The following STIM1 variants were observed in gnomAD, a reference collection of about 807,000 sequenced individuals.
The protein encoded by STIM1 is stromal interaction molecule 1.
A neutral mutation model predicts 74.7 loss-of-function variants in STIM1; 25 were observed. That is an observed-to-expected ratio of 0.33 (90% confidence interval 0.24 to 0.47). The LOEUF is 0.47. Among genes scored for constraint, STIM1 ranks in the 20% least tolerant of loss-of-function variants. The pLI, the probability that STIM1 is intolerant of heterozygous loss-of-function variation, is 1.00. For synonymous variants in STIM1, 328 were observed against 348.8 expected (o/e 0.94, Z 0.66); for missense variants, 728 against 920.8 (o/e 0.79, Z 2.71).
At chr11:4,072,059 CAT>C (rs1481150958) in intron 6 of STIM1, among the ~76,000 whole-genome samples, 4 of 152,182 alleles carry the variant, frequency 2.6e-5, no homozygotes, top group African/African-American at 9.7e-5. Flanking sequence ...GTTTGAAAAA[CAT>C]GTACTGTTTC....
chr11:3,965,067 T>G (rs562785059), intron 1 of STIM1, among the ~76,000 whole-genome samples: 1 of 152,340 alleles, frequency 6.6e-6, no homozygotes, highest in South Asian at 2.1e-4. Flanking sequence ...GATTTAGGTA[T>G]GCTACCTATG....
At chr11:4,003,969 A>G (rs1181848882) in intron 2 of STIM1, among the ~76,000 whole-genome samples, 1 of 152,248 alleles carries the variant, frequency 6.6e-6, no homozygotes, top group Non-Finnish European at 1.5e-5. Context: ...GAGCCAAATC[A>G]TGAGTGAACT....
intron 2 of STIM1, among the ~76,000 whole-genome samples, chr11:4,016,793 C>A (rs557537839): frequency 6.6e-6 from 1 of 152,240 alleles, no homozygotes; most frequent in East Asian, 1.9e-4. Context: ...CCCCTCCCCC[C>A]ACCAAGCTCC....
chr11:4,056,103 C>T (rs2094287914), intron 4 of STIM1, among the ~76,000 whole-genome samples: 1 of 151,954 alleles, frequency 6.6e-6, no homozygotes, highest in African/African-American at 2.4e-5. Flanking sequence ...TTTCCTGTGC[C>T]CTGAGCAGCT....
chr11:4,059,236 G>C (rs753761724), intron 4 of STIM1, 45 bp from the exon 5 acceptor site: 2 of 1,541,182 alleles, frequency 1.3e-6, no homozygotes, highest in African/African-American at 2.7e-5. Context: ...GATCCTTCCT[G>C]GCTTTACTGG....
chr11:3,987,191 A>G (rs2093565682), intron 2 of STIM1, among the ~76,000 whole-genome samples: 1 of 152,192 alleles, frequency 6.6e-6, no homozygotes, highest in Admixed American at 6.5e-5. Flanking sequence ...CTAGGTTCAG[A>G]ATAGTCAAAC....
intron 2 of STIM1, among the ~76,000 whole-genome samples, chr11:3,974,835 G>T (rs980511769): frequency 5.3e-5 from 8 of 152,054 alleles, no homozygotes; most frequent in African/African-American, 1.9e-4. Flanking sequence ...AAGATTTGTT[G>T]CAGTGGGATG....
chr11:4,001,315 AATG>A (rs1434191325), intron 2 of STIM1, among the ~76,000 whole-genome samples: 3 of 151,786 alleles, frequency 2.0e-5, no homozygotes, highest in Non-Finnish European at 4.4e-5. Flanking sequence ...TGAAGGAAAA[AATG>A]TTCAGGGCAG....
At position 4,074,532 on chromosome 11, in the gene STIM1, A is replaced by G. The variant is rs753465765; in HGVS notation, c.822A>G (p.Thr274=). The change falls in exon 7 of 13, where the codon ACA becomes ACG. Residue 274 remains threonine, a synonymous_variant. Transcript: ENST00000526596. ...ACAAGGCCCAGGAGGAGCACCGCAC[A>G]GTGGAGGTGGAGAAGGTCCATCTGG... ...RLHKAQEEHR[T]VEVEKVHLEK... 6.2e-7 allele frequency: 1 copy of G among 1,614,076 alleles called. No homozygotes were observed. Among genetic ancestry groups the G allele is most frequent in the South Asian group, 1.1e-5 (1 of 91,066 alleles).
intron 3 of STIM1, among the ~76,000 whole-genome samples, chr11:4,042,748 C>T (rs1043015028): frequency 3.3e-5 from 5 of 152,180 alleles, no homozygotes; most frequent in Admixed American, 3.3e-4. Flanking sequence ...ATTCTTTCTT[C>T]TGGCAGATCT....
At chr11:3,893,906 C>A (rs1212604934) in intron 1 of STIM1, among the ~76,000 whole-genome samples, 1 of 152,088 alleles carries the variant, frequency 6.6e-6, no homozygotes, top group Admixed American at 6.6e-5. Context: ...AACCTTCAGT[C>A]TCTTCTGGGA....
intron 2 of STIM1, among the ~76,000 whole-genome samples, chr11:3,997,792 G>T (rs2093676253): frequency 6.6e-6 from 1 of 152,212 alleles, no homozygotes; most frequent in Admixed American, 6.5e-5. Flanking sequence ...GCCCATAGAG[G>T]AGGGAGGGTC....
intron 1 of STIM1, chr11:3,867,099 A>G (rs1005785392): frequency 1.3e-5 from 2 of 152,190 alleles, no homozygotes; most frequent in Non-Finnish European, 2.9e-5. Flanking sequence ...CAGTTCCTGT[A>G]AAACTGTTAG....
At chr11:4,031,759 T>G (rs1029951711) in intron 3 of STIM1, among the ~76,000 whole-genome samples, 1 of 152,236 alleles carries the variant, frequency 6.6e-6, no homozygotes, top group Non-Finnish European at 1.5e-5. Context: ...TCTTTATATA[T>G]TCTCCATTTA....
chr11:3,925,669 G>A (rs976168440), intron 1 of STIM1, among the ~76,000 whole-genome samples: 7 of 152,000 alleles, frequency 4.6e-5, no homozygotes, highest in African/African-American at 7.2e-5. Context: ...TAATATAATG[G>A]TCAACAAATT....
intron 1 of STIM1, among the ~76,000 whole-genome samples, chr11:3,943,070 C>G (rs1031209560): frequency 1.3e-5 from 2 of 152,188 alleles, no homozygotes; most frequent in Non-Finnish European, 2.9e-5. Flanking sequence ...CTGCTAGGAG[C>G]CTGGGACCCT....
chr11:3,895,327 C>T (rs1034503837), intron 1 of STIM1, among the ~76,000 whole-genome samples: 6 of 152,202 alleles, frequency 3.9e-5, no homozygotes, highest in Admixed American at 1.3e-4. Flanking sequence ...CCCTTTATAG[C>T]TTTTAAACCT....
At chr11:3,872,047 G>T (rs1262455361) in intron 1 of STIM1, among the ~76,000 whole-genome samples, 2 of 151,846 alleles carry the variant, frequency 1.3e-5, no homozygotes, top group East Asian at 3.8e-4. Flanking sequence ...TTATAATCTT[G>T]TTTTCTAACT....
rs57252168 is a variant in STIM1, at chr11:3,895,711, T to C, written c.139+39302T>C. On this transcript the variant is annotated intron_variant, in intron 1 of 12. Transcript: ENST00000526596. ...CTTTCTTTCTTTCTTTCTTTCTTTC[T>C]TTCTTTCTTTCTTTCTTTCTTTCTT... Among the ~76,000 whole-genome samples the C allele has an allele frequency of 5.7e-3, 204 of 35,886 alleles. 11 individuals carry two copies. The highest frequency in any genetic ancestry group is 0.016 in the African/African-American group (96 of 5,862). 23.5% of individuals were successfully genotyped at this position (35,886 alleles called of 152,430 possible). A position where few individuals can be genotyped will look rare whatever the true frequency, so the allele number is the denominator to read the frequency against.
Sources: gnomAD v4.1 joint callset for allele counts (sites outside exome capture counted in the v4.1 genomes callset) on GRCh38, gnomAD v4.1.1 for gene constraint, MANE v1.5 for transcripts, NCBI Gene and HGNC (gene_info 2026-07-23, HGNC 2026-07-21) for gene names.